The following C5orf47 variants were observed in gnomAD, a reference collection of about 807,000 sequenced individuals.
The protein encoded by C5orf47 is uncharacterized protein C5orf47.
A neutral mutation model predicts 20.6 loss-of-function variants in C5orf47; 20 were observed. The ratio of observed to expected loss-of-function variants is 0.97; its 90% CI spans 0.68 to 1.41. The LOEUF (loss-of-function observed/expected upper bound fraction) is 1.41, where lower values mean the gene tolerates loss of function less well. C5orf47 is among the 40% of genes most tolerant of loss of function. The pLI is 0.00. For synonymous variants in C5orf47, 106 were observed against 97.3 expected (o/e 1.09, Z -0.53); for missense variants, 262 against 238.4 (o/e 1.10, Z -0.65).
In C5orf47 at chr5:174,001,191, T is replaced by C; in HGVS notation, c.512-5T>C. 1 of 1,518,710 alleles carries C rather than the reference T, an allele frequency of 6.6e-7. No individual in the cohort carries two copies. The highest frequency in any genetic ancestry group is 8.9e-7 in the Non-Finnish European group (1 of 1,120,550). 94.1% of individuals were successfully genotyped at this position (1,518,710 alleles called of 1,614,324 possible). A position where few individuals can be genotyped will look rare whatever the true frequency, so the allele number is the denominator to read the frequency against. On this transcript the variant is annotated splice_polypyrimidine_tract_variant and splice_region_variant and intron_variant, in intron 3 of 4. Transcript: ENST00000340147. Reference sequence around the variant, plus strand: ...AATTTTCCTTATTTTTTATGTTGTTTGCAGGCTCAAATTACACAAGATGAA... The same window carrying C: ...AATTTTCCTTATTTTTTATGTTGTTCGCAGGCTCAAATTACACAAGATGAA...
intron 1 of C5orf47, among the ~76,000 whole-genome samples, chr5:173,994,388 GCTT>G (rs1190194249): frequency 6.6e-6 from 1 of 152,172 alleles, no homozygotes; most frequent in Admixed American, 6.5e-5. Context: ...GTGTTTTGGA[GCTT>G]CTTCTCAGTC....
At chr5:173,993,865 C>A (rs1206943998) in intron 1 of C5orf47, among the ~76,000 whole-genome samples, 2 of 152,172 alleles carry the variant, frequency 1.3e-5, no homozygotes, top group Non-Finnish European at 2.9e-5. Flanking sequence ...GTCATTTTAA[C>A]TAGGCTCAAG....
chr5:174,001,065 A>G (rs897346543), intron 3 of C5orf47, 131 bp from the exon 4 acceptor site: 2 of 671,138 alleles, frequency 3.0e-6, no homozygotes, highest in African/African-American at 3.7e-5. Context: ...ACATTACAGA[A>G]CTTCTTTATA....
intron 1 of C5orf47, among the ~76,000 whole-genome samples, chr5:173,996,220 A>T (rs1759095371): frequency 6.6e-6 from 1 of 152,108 alleles, no homozygotes; most frequent in Non-Finnish European, 1.5e-5. Flanking sequence ...GATGACAGTG[A>T]TTAGGAAGAA....
Position 173,998,214 on chromosome 5 carries a change from C to A in C5orf47, c.387C>A (p.Ser129=). Residue 129 remains serine (S), a synonymous_variant, in exon 2 of 5, where the codon TCC becomes TCA. Transcript: ENST00000340147. ...TTCCCATACCATTGAATGAAGCTTC[C>A]AAAATAATGAAGAAAAAGAAAAAGG... ...YDFPIPLNEA[S]KIMKKKKKVL... 3 of 1,537,248 alleles carry A rather than the reference C, an allele frequency of 2.0e-6. No individual in the cohort carries two copies. Among genetic ancestry groups the A allele is most frequent in the South Asian group, 2.4e-5 (2 of 82,326 alleles).
chr5:173,990,872 C>T (rs1439895333), intron 1 of C5orf47, among the ~76,000 whole-genome samples: 2 of 152,000 alleles, frequency 1.3e-5, no homozygotes, highest in African/African-American at 4.8e-5. Flanking sequence ...CTTGTACTTA[C>T]GGAATAACAG....
intron 1 of C5orf47, among the ~76,000 whole-genome samples, chr5:173,994,936 C>T (rs1246107846): frequency 6.6e-6 from 1 of 152,150 alleles, no homozygotes; most frequent in Non-Finnish European, 1.5e-5. Context: ...GCCTCAGCCT[C>T]CCAAGTAGCT....
At chr5:173,989,662 C>G in intron 1 of C5orf47, 74 bp downstream of exon 1, 1 of 1,255,944 alleles carries the variant, frequency 8.0e-7, no homozygotes, top group Non-Finnish European at 1.0e-6. Context: ...CTGCTGGGCG[C>G]CATCTTGCGG....
intron 3 of C5orf47, among the ~76,000 whole-genome samples, chr5:174,000,557 G>A (rs546586261): frequency 3.9e-5 from 6 of 151,962 alleles, no homozygotes; most frequent in Admixed American, 2.0e-4. Flanking sequence ...TTCTTAGTAC[G>A]GTCATTCTAT....
At chr5:173,995,299 A>T (rs1489140464) in intron 1 of C5orf47, among the ~76,000 whole-genome samples, 1 of 152,184 alleles carries the variant, frequency 6.6e-6, no homozygotes, top group Non-Finnish European at 1.5e-5. Flanking sequence ...GAATAATGGA[A>T]ATATAAACTA....
At chr5:173,997,117 T>C (rs1306204870) in intron 1 of C5orf47, among the ~76,000 whole-genome samples, 1 of 152,200 alleles carries the variant, frequency 6.6e-6, no homozygotes, top group Non-Finnish European at 1.5e-5. Context: ...TAGTGAATAA[T>C]AAAACACACT....
At chr5:173,992,437 T>C (rs1206155322) in intron 1 of C5orf47, among the ~76,000 whole-genome samples, 1 of 152,152 alleles carries the variant, frequency 6.6e-6, no homozygotes, top group Non-Finnish European at 1.5e-5. Context: ...TTTGATTTAT[T>C]CGTTAGATAT....
chr5:174,008,973 A>T (rs1352693070), downstream of C5orf47, among the ~76,000 whole-genome samples: 2 of 152,194 alleles, frequency 1.3e-5, no homozygotes, highest in South Asian at 4.1e-4. Context: ...AAGTAAAAAA[A>T]ATTGAGTACT....
rs1758927391 is a variant in C5orf47, at chr5:173,989,259, C to T, written c.-5C>T. Reference sequence around the variant, plus strand: ...AGGGCCCGGCTGCCGTTGACTGAGGCTGCGATGGCGGCGGCAGGCCGGGGT... The same window carrying T: ...AGGGCCCGGCTGCCGTTGACTGAGGTTGCGATGGCGGCGGCAGGCCGGGGT... On this transcript the variant is annotated 5_prime_UTR_variant, in exon 1 of 5. Transcript: ENST00000340147. 4 of 1,384,626 alleles carry T rather than the reference C, an allele frequency of 2.9e-6. No individual in the cohort carries two copies. Among genetic ancestry groups the T allele is most frequent in the South Asian group, 1.7e-5 (1 of 59,374 alleles). 85.8% of individuals were successfully genotyped at this position (1,384,626 alleles called of 1,614,324 possible).
chr5:173,993,672 G>T (rs1164988190), intron 1 of C5orf47, among the ~76,000 whole-genome samples: 1 of 151,902 alleles, frequency 6.6e-6, no homozygotes, highest in African/African-American at 2.4e-5. Context: ...AAAGTGATAG[G>T]GTCAGATTTA....
chr5:174,005,184 T>C lies in C5orf47; in HGVS notation c.*930T>C, dbSNP rs1216728600. On this transcript the variant is annotated 3_prime_UTR_variant, in exon 5 of 5. Coordinates refer to ENST00000340147, the MANE Select transcript of C5orf47 (RefSeq NM_001144954.2). ...TTGTTCATGATCAAATTCTGTGTAC[T>C]CTAGTTGCTTCTTTCCCTTGGAGTG... The C allele has an allele frequency of 2.0e-5, 3 of 152,208 alleles. No homozygotes were observed. The highest frequency in any genetic ancestry group is 7.2e-5 in the African/African-American group (3 of 41,460). The allele number at this position is 152,208 out of a possible 1,614,324, so 9.4% of individuals were successfully genotyped here. A position where few individuals can be genotyped will look rare whatever the true frequency, so the allele number is the denominator to read the frequency against.
chr5:173,991,094 A>G (rs1297835890), intron 1 of C5orf47, among the ~76,000 whole-genome samples: 1 of 152,080 alleles, frequency 6.6e-6, no homozygotes, highest in Non-Finnish European at 1.5e-5. Flanking sequence ...CATAGATTTA[A>G]CCATTTTGGA....
At chr5:174,002,428 T>C (rs1759215720) in intron 4 of C5orf47, among the ~76,000 whole-genome samples, 1 of 152,188 alleles carries the variant, frequency 6.6e-6, no homozygotes, top group East Asian at 1.9e-4. Flanking sequence ...GCTGAGGATT[T>C]GTACTTCATT....
chr5:173,993,038 C>G (rs571617738), intron 1 of C5orf47, among the ~76,000 whole-genome samples: 1 of 152,120 alleles, frequency 6.6e-6, no homozygotes, highest in African/African-American at 2.4e-5. Flanking sequence ...TCTGATTTGC[C>G]TAGTTATTTA....
Sources: allele counts gnomAD v4.1 joint callset (sites outside exome capture counted in the v4.1 genomes callset), GRCh38; gene constraint gnomAD v4.1.1; transcripts MANE v1.5; gene names NCBI Gene and HGNC (gene_info 2026-07-23, HGNC 2026-07-21).